The following ARNT2 variants were observed in gnomAD, a reference collection of about 807,000 sequenced individuals.
ARNT2 encodes aryl hydrocarbon receptor nuclear translocator 2, also known as ARNT protein 2.
Under a neutral mutation model 91.7 loss-of-function variants are expected in ARNT2, and 36 were observed. The ratio of observed to expected loss-of-function variants is 0.39; its 90% CI spans 0.30 to 0.52. The LOEUF is 0.52. ARNT2 is among the 20% of genes least tolerant of loss of function. ARNT2 has a pLI of 0.72. For synonymous variants in ARNT2, 365 were observed against 347.1 expected (o/e 1.05, Z -0.57); for missense variants, 775 against 939.3 (o/e 0.83, Z 2.29).
At chr15:80,589,951 A>C (rs1893244215) in intron 17 of ARNT2, among the ~76,000 whole-genome samples, 1 of 152,194 alleles carries the variant, frequency 6.6e-6, no homozygotes. Flanking sequence ...TTCCTTACCA[A>C]CTATTGTCAT....
chr15:80,591,229 C>A lies in ARNT2; in HGVS notation c.1919-339C>A, dbSNP rs535385248. On this transcript the variant is annotated intron_variant, in intron 17 of 18. Coordinates refer to ENST00000303329, the MANE Select transcript of ARNT2 (RefSeq NM_014862.4). This position sits in a 1 kb window ranked among gnomAD's most constrained non-coding sequence, Gnocchi z 5.1. ...CTGCATGCAACAGATATGCCCCTTG[C>A]CCCCCAGATGCCCGCAGGAGGCCTT... is the stretch of plus-strand genomic sequence containing the variant. 6.7e-6 allele frequency among the ~76,000 whole-genome samples: 1 copy of A among 150,026 alleles called. No individual in the cohort carries two copies. The highest frequency in any genetic ancestry group is 1.5e-5 in the Non-Finnish European group (1 of 68,006).
At position 80,596,027 on chromosome 15, in the gene ARNT2, G is replaced by A. The variant is rs2141492857; in HGVS notation, c.*2329G>A. ...GTTTTGCCTCTTCTGTTTCTTGGAG[G>A]AGAGTTGAGGCTTTTCTTAGGTGCA... On this transcript the variant is annotated 3_prime_UTR_variant, in exon 19 of 19. Coordinates refer to ENST00000303329, the MANE Select transcript of ARNT2 (RefSeq NM_014862.4). The A allele has an allele frequency of 6.6e-6, 1 of 152,362 alleles. No homozygotes were observed. The highest frequency in any genetic ancestry group is 2.1e-4 in the South Asian group (1 of 4,830). The allele number at this position is 152,362 out of a possible 1,614,324, so 9.4% of individuals were successfully genotyped here.
At chr15:80,455,932 G>A (rs917820310) in intron 2 of ARNT2, among the ~76,000 whole-genome samples, 6 of 152,096 alleles carry the variant, frequency 3.9e-5, no homozygotes, top group African/African-American at 1.4e-4. Flanking sequence ...AGCACGCACG[G>A]GGTGTTAAAT....
At chr15:80,504,686 T>A (rs1897247506) in intron 5 of ARNT2, among the ~76,000 whole-genome samples, 1 of 151,862 alleles carries the variant, frequency 6.6e-6, no homozygotes, top group Non-Finnish European at 1.5e-5. Context: ...GAGGATTGCT[T>A]GAGCCTCAGA....
chr15:80,533,891 A>G (rs1250930232), intron 8 of ARNT2, among the ~76,000 whole-genome samples: 2 of 151,950 alleles, frequency 1.3e-5, no homozygotes, highest in Non-Finnish European at 2.9e-5. Flanking sequence ...CCCTCATTCC[A>G]TTTTCCTGAT....
intron 5 of ARNT2, among the ~76,000 whole-genome samples, chr15:80,491,986 G>A (rs184754226): frequency 7.6e-4 from 116 of 152,032 alleles, no homozygotes; most frequent in African/African-American, 2.6e-3. Context: ...ACAGGTGTAC[G>A]TCTATTTCTG....
chr15:80,482,491 G>C (rs1422969951), intron 5 of ARNT2, among the ~76,000 whole-genome samples: 1 of 152,186 alleles, frequency 6.6e-6, no homozygotes, highest in Non-Finnish European at 1.5e-5. Flanking sequence ...GAAGTTCTCA[G>C]GGCCACACAC....
chr15:80,529,184 T>C (rs1035022694), intron 8 of ARNT2, among the ~76,000 whole-genome samples: 1 of 152,268 alleles, frequency 6.6e-6, no homozygotes, highest in Non-Finnish European at 1.5e-5. Context: ...TAGGGTTTCT[T>C]CTTGGTCCCT....
At chr15:80,501,765 C>T (rs1038142406) in intron 5 of ARNT2, among the ~76,000 whole-genome samples, 3 of 152,020 alleles carry the variant, frequency 2.0e-5, no homozygotes, top group African/African-American at 7.2e-5. Context: ...GAAATCTGTA[C>T]ATAACCCTTC....
rs147304353 is a variant in ARNT2, at chr15:80,540,051, G to C, written c.878-11148G>C. 7.2e-3 allele frequency among the ~76,000 whole-genome samples: 1,094 copies of C among 152,052 alleles called. 39 individuals carry two copies. The highest frequency in any genetic ancestry group is 0.031 in the East Asian group (161 of 5,170). ...CCCACTACTGGGTATTTATCCGAAGGAAAAGAAATCAATATATCAAAGAGA... is the reference window on the plus strand; with the variant it reads ...CCCACTACTGGGTATTTATCCGAAGCAAAAGAAATCAATATATCAAAGAGA... On this transcript the variant is annotated intron_variant, in intron 8 of 18. Transcript: ENST00000303329.
chr15:80,479,123 C>T (rs1896849476), intron 5 of ARNT2, among the ~76,000 whole-genome samples: 1 of 152,120 alleles, frequency 6.6e-6, no homozygotes. Context: ...TGCAGGGTCA[C>T]CTGTACTGAA....
At chr15:80,522,143 T>C (rs974557698) in intron 8 of ARNT2, among the ~76,000 whole-genome samples, 6 of 152,182 alleles carry the variant, frequency 3.9e-5, no homozygotes, top group African/African-American at 9.7e-5. Context: ...TAAATAATAA[T>C]AATAATAAAT....
In ARNT2 at chr15:80,553,660, A is replaced by G. The variant is rs968192014; in HGVS notation, c.1089+886A>G. Among the ~76,000 whole-genome samples the G allele has an allele frequency of 2.0e-4, 31 of 152,240 alleles. 1 individual carries two copies. Among genetic ancestry groups the G allele is most frequent in the Admixed American group, 3.3e-4 (5 of 15,288 alleles). ...TAACATATTGATAATTATTGAATAT[A>G]CATAAAGGATATATAGCAGTTTATT... On this transcript the variant is annotated intron_variant, in intron 10 of 18. Coordinates refer to ENST00000303329, the MANE Select transcript of ARNT2 (RefSeq NM_014862.4).
chr15:80,462,008 C>T (rs1468111222), intron 3 of ARNT2, among the ~76,000 whole-genome samples: 1 of 152,088 alleles, frequency 6.6e-6, no homozygotes, highest in African/African-American at 2.4e-5. Context: ...GTAGTGGTGC[C>T]GCACCCTCCT....
At chr15:80,570,886 T>C (rs1296676466) in intron 12 of ARNT2, among the ~76,000 whole-genome samples, 1 of 152,218 alleles carries the variant, frequency 6.6e-6, no homozygotes, top group Non-Finnish European at 1.5e-5. Flanking sequence ...ATGACTCTTC[T>C]GGGCTGAATT....
Position 80,552,684 on chromosome 15 carries a change from G to A in ARNT2, c.999G>A (p.Val333=), listed in dbSNP as rs1480258391. Residue 333 remains valine, a synonymous_variant, in exon 10 of 19, where the codon GTG becomes GTA. Coordinates refer to ENST00000303329, the MANE Select transcript of ARNT2 (RefSeq NM_014862.4). ...PVCMDMNGMS[V]PTEFLSRHNS... ...GCATGGACATGAATGGGATGTCGGT[G>A]CCCACAGAGTTCTTATCCCGGCATA... 6.2e-7 allele frequency: 1 copy of A among 1,614,088 alleles called. No individual in the cohort carries two copies. Among genetic ancestry groups the A allele is most frequent in the South Asian group, 1.1e-5 (1 of 91,060 alleles).
At chr15:80,570,146 A>C (rs1898559790) in intron 12 of ARNT2, among the ~76,000 whole-genome samples, 1 of 152,228 alleles carries the variant, frequency 6.6e-6, no homozygotes, top group South Asian at 2.1e-4. Context: ...CAACAGCCAG[A>C]CAGACTTGGG....
At chr15:80,555,954 G>C (rs1223731506) in intron 11 of ARNT2, 1 of 151,226 alleles carries the variant, frequency 6.6e-6, no homozygotes, top group Non-Finnish European at 1.5e-5. Context: ...GACAGAGTGA[G>C]ACTCTGTCTC....
chr15:80,537,262 A>G (rs969952515), intron 8 of ARNT2, among the ~76,000 whole-genome samples: 2 of 152,184 alleles, frequency 1.3e-5, no homozygotes, highest in African/African-American at 4.8e-5. Context: ...CTTACCTGGC[A>G]GTCCAAGAGG....
Sources: allele counts gnomAD v4.1 joint callset (sites outside exome capture counted in the v4.1 genomes callset), GRCh38; gene constraint gnomAD v4.1.1; non-coding constraint Gnocchi (gnomAD v3.1); transcripts MANE v1.5; gene names NCBI Gene and HGNC (gene_info 2026-07-23, HGNC 2026-07-21).